Variants in SLC9A9 observed in about 807,000 individuals in gnomAD.
SLC9A9 encodes sodium/hydrogen exchanger 9.
SLC9A9 carries 62 observed loss-of-function variants against 77.8 expected under a neutral mutation model. That is an observed-to-expected ratio of 0.80 (90% CI 0.65 to 0.98). SLC9A9 has a LOEUF of 0.98. SLC9A9 is among the 50% of genes least tolerant of loss of function. The pLI, the probability that SLC9A9 is intolerant of heterozygous loss-of-function variation, is 0.00. For synonymous variants in SLC9A9, 320 were observed against 283.5 expected, an observed-to-expected ratio of 1.13 and a Z score of -1.29; for missense variants, 775 against 774.9, an observed-to-expected ratio of 1.00 and a Z score of 0.00.
intron 4 of SLC9A9, among the ~76,000 whole-genome samples, chr3:143,768,952 A>G (rs1024084451): frequency 1.3e-5 from 2 of 152,186 alleles, no homozygotes; most frequent in Non-Finnish European, 2.9e-5. Flanking sequence ...TAAGCATGGC[A>G]TAGTGTTTAA....
intron 12 of SLC9A9, among the ~76,000 whole-genome samples, chr3:143,433,089 A>G (rs2034555178): frequency 6.6e-6 from 1 of 152,246 alleles, no homozygotes; most frequent in South Asian, 2.1e-4. Context: ...ATGAAAGGTT[A>G]TTTAGATATA....
chr3:143,360,192 G>A (rs573392676), intron 14 of SLC9A9, among the ~76,000 whole-genome samples: 1 of 152,248 alleles, frequency 6.6e-6, no homozygotes, highest in East Asian at 1.9e-4. Context: ...AAGTTATCTG[G>A]GAATTTGTTT....
chr3:143,577,679 A>T (rs1296330187), intron 7 of SLC9A9, among the ~76,000 whole-genome samples: 2 of 152,160 alleles, frequency 1.3e-5, no homozygotes, highest in Non-Finnish European at 2.9e-5. Flanking sequence ...AGTAGAATGA[A>T]GCATTTTAGC....
chr3:143,778,874 G>T (rs1313593867), intron 4 of SLC9A9, among the ~76,000 whole-genome samples: 2 of 152,184 alleles, frequency 1.3e-5, no homozygotes, highest in Non-Finnish European at 1.5e-5. Flanking sequence ...AATTGAGTGA[G>T]TTAATGCTGG....
chr3:143,333,805 A>C (rs2031845243), intron 14 of SLC9A9, among the ~76,000 whole-genome samples: 1 of 152,230 alleles, frequency 6.6e-6, no homozygotes, highest in African/African-American at 2.4e-5. Flanking sequence ...GCAAAATCTT[A>C]TGCATTATGT....
rs767616750 is a variant in SLC9A9 at position 143,579,427 on chromosome 3, T to C, written c.756-704A>G. 3.3e-5 allele frequency among the ~76,000 whole-genome samples: 5 copies of C among 152,286 alleles called. No homozygotes were observed. In the East Asian group the frequency reaches 7.7e-4, roughly 23 times the overall value. ...CCAATAGGCAGTCTGTTCACTTAAA[T>C]ATTATTGAGGATGTCATATAAGCTA... On this transcript the variant is annotated intron_variant, in intron 6 of 15. Coordinates refer to ENST00000316549, the MANE Select transcript of SLC9A9 (RefSeq NM_173653.4).
intron 14 of SLC9A9, among the ~76,000 whole-genome samples, chr3:143,358,193 T>C (rs377151958): frequency 6.6e-5 from 10 of 152,180 alleles, no homozygotes; most frequent in African/African-American, 2.4e-4. Context: ...CCTGCCACTT[T>C]CCTTGCCAGA....
chr3:143,296,816 G>T (rs1340576339), intron 14 of SLC9A9, among the ~76,000 whole-genome samples: 1 of 152,020 alleles, frequency 6.6e-6, no homozygotes, highest in Non-Finnish European at 1.5e-5. Flanking sequence ...TATACCTGTT[G>T]GTCATCTGTA....
At chr3:143,576,414 C>T (rs765645275) in intron 7 of SLC9A9, among the ~76,000 whole-genome samples, 4 of 152,124 alleles carry the variant, frequency 2.6e-5, no homozygotes, top group Non-Finnish European at 4.4e-5. Flanking sequence ...GAGTGAGCTA[C>T]GTATCCTCCT....
chr3:143,591,706 G>C (rs1283542286), intron 6 of SLC9A9, among the ~76,000 whole-genome samples: 1 of 152,226 alleles, frequency 6.6e-6, no homozygotes. Flanking sequence ...CATCTGTCAA[G>C]GCCATAGCCA....
chr3:143,610,558 A>T (rs957844901), intron 6 of SLC9A9, among the ~76,000 whole-genome samples: 1 of 152,144 alleles, frequency 6.6e-6, no homozygotes, highest in African/African-American at 2.4e-5. Context: ...CGCAAACCCC[A>T]CCTTGGAGGC....
chr3:143,696,413 C>A (rs1206593645), intron 4 of SLC9A9, among the ~76,000 whole-genome samples: 1 of 152,200 alleles, frequency 6.6e-6, no homozygotes, highest in Non-Finnish European at 1.5e-5. Context: ...TCCCTGCCCT[C>A]ATGGGGCACA....
At chr3:143,490,853 T>C (rs553658153) in intron 11 of SLC9A9, among the ~76,000 whole-genome samples, 1 of 152,310 alleles carries the variant, frequency 6.6e-6, no homozygotes, top group African/African-American at 2.4e-5. Flanking sequence ...CATCTCTTCA[T>C]TTGAAAGCTA....
intron 14 of SLC9A9, among the ~76,000 whole-genome samples, chr3:143,279,623 T>C (rs1938157423): frequency 1.3e-5 from 2 of 152,144 alleles, no homozygotes; most frequent in South Asian, 4.2e-4. Flanking sequence ...GTCCATGTGT[T>C]CCCATTGTTC....
rs1190035390 is a variant in SLC9A9 at position 143,775,354 on chromosome 3, C to T, written c.533+19647G>A. On this transcript the variant is annotated intron_variant, in intron 4 of 15. Coordinates refer to ENST00000316549, the MANE Select transcript of SLC9A9 (RefSeq NM_173653.4). ...TAATAAATAGTTTACTTCTTTCATG[C>T]CTCATTACTCATTTATTATCTCCAG... is the stretch of plus-strand genomic sequence containing the variant. 3.9e-5 allele frequency among the ~76,000 whole-genome samples: 6 copies of T among 152,212 alleles called. No individual in the cohort carries two copies. In the South Asian group the frequency reaches 1.2e-3, roughly 32 times the overall value.
intron 6 of SLC9A9, among the ~76,000 whole-genome samples, chr3:143,617,875 G>A (rs1056142328): frequency 4.6e-5 from 7 of 152,234 alleles, no homozygotes; most frequent in Admixed American, 1.3e-4. Context: ...ATCCTGAGAC[G>A]CCAGGCAGCC....
chr3:143,547,583 C>G (rs554430277), intron 9 of SLC9A9, among the ~76,000 whole-genome samples: 4 of 152,238 alleles, frequency 2.6e-5, no homozygotes, highest in African/African-American at 9.6e-5. Context: ...CACTGCTCTG[C>G]TATTTCTCTC....
rs367971558 is a variant in SLC9A9, at chr3:143,605,158, C to T, written c.756-26435G>A. On this transcript the variant is annotated intron_variant, in intron 6 of 15. Coordinates refer to ENST00000316549, the MANE Select transcript of SLC9A9 (RefSeq NM_173653.4). Reference sequence around the variant, plus strand: ...AATAACAAATATACTTCCTTTGGAGCGCATCAAAAGAGCAGGGCCAACATC... The same window carrying T: ...AATAACAAATATACTTCCTTTGGAGTGCATCAAAAGAGCAGGGCCAACATC... Among the ~76,000 whole-genome samples, 9 of 152,188 alleles carry T rather than the reference C, an allele frequency of 5.9e-5. No individual in the cohort carries two copies. The East Asian group carries it at 1.2e-3, about 20-fold the overall frequency.
intron 1 of SLC9A9, among the ~76,000 whole-genome samples, chr3:143,837,864 G>A (rs1472309215): frequency 6.6e-6 from 1 of 152,168 alleles, no homozygotes; most frequent in African/African-American, 2.4e-5. Context: ...ATATTAATGG[G>A]CCCGGTTAGG....
Sources: allele counts gnomAD v4.1 joint callset (sites outside exome capture counted in the v4.1 genomes callset), GRCh38; gene constraint gnomAD v4.1.1; transcripts MANE v1.5; gene names NCBI Gene and HGNC (gene_info 2026-07-23, HGNC 2026-07-21).